HSP90AA1: variants seen among roughly 807,000 people sequenced by gnomAD.
The protein encoded by HSP90AA1 is heat shock protein HSP 90-alpha.
HSP90AA1 carries 18 observed loss-of-function variants against 73.3 expected under a neutral mutation model. The observed-to-expected ratio is 0.25, with a 90% CI of 0.17 to 0.36. HSP90AA1 has a LOEUF of 0.36. Among genes scored for constraint, HSP90AA1 ranks in the 10% least tolerant of loss-of-function variants. HSP90AA1 has a pLI of 1.00. For synonymous variants in HSP90AA1, 477 were observed against 296.9 expected (o/e 1.61, Z -6.24); for missense variants, 704 against 874.2 (o/e 0.81, Z 2.45).
At position 102,087,040 on chromosome 14, in the gene HSP90AA1, C is replaced by G; in HGVS notation, c.-55G>C. 2 of 985,462 alleles carry G rather than the reference C, an allele frequency of 2.0e-6. No homozygotes were observed. The highest frequency in any genetic ancestry group is 4.7e-5 in the South Asian group (1 of 21,290). 61.0% of individuals were successfully genotyped at this position (985,462 alleles called of 1,614,324 possible). A position where few individuals can be genotyped will look rare whatever the true frequency, so the allele number is the denominator to read the frequency against. Reference sequence around the variant, plus strand: ...GCACAGCCACACCGGGACGCTGAAGCAACTGACGCGCCACCCCCGCGCCTG... The same window carrying G: ...GCACAGCCACACCGGGACGCTGAAGGAACTGACGCGCCACCCCCGCGCCTG... On this transcript the variant is annotated 5_prime_UTR_variant, in exon 1 of 11. Transcript: ENST00000216281.
chr14:102,136,967 A>T (rs2050007751), intron 1 of HSP90AA1, among the ~76,000 whole-genome samples: 1 of 151,062 alleles, frequency 6.6e-6, no homozygotes, highest in African/African-American at 2.4e-5. Context: ...TAATCCTAGC[A>T]CTCTGGGAAG....
intron 1 of HSP90AA1, among the ~76,000 whole-genome samples, chr14:102,129,105 C>T (rs906864739): frequency 1.3e-5 from 2 of 150,872 alleles, no homozygotes; most frequent in Non-Finnish European, 2.9e-5. Context: ...ATAAATTGAG[C>T]ACTATAGATA....
At chr14:102,085,104 G>T in intron 4 of HSP90AA1, 106 bp from the exon 5 acceptor site, 2 of 1,572,604 alleles carry the variant, frequency 1.3e-6, no homozygotes, top group South Asian at 2.3e-5. Flanking sequence ...TAGCCAACTT[G>T]AGAAGCACCC....
chr14:102,105,485 A>G (rs867334749), intron 1 of HSP90AA1, among the ~76,000 whole-genome samples: 1 of 152,184 alleles, frequency 6.6e-6, no homozygotes, highest in Non-Finnish European at 1.5e-5. Flanking sequence ...TCAGAGTGGA[A>G]GAAGGCATGC....
At chr14:102,095,774 G>A (rs370461210) in intron 2 of HSP90AA1, among the ~76,000 whole-genome samples, 7 of 152,096 alleles carry the variant, frequency 4.6e-5, no homozygotes, top group African/African-American at 9.7e-5. Flanking sequence ...CCTTTAAAAC[G>A]TTCTTTCTCT....
exon 1 of HSP90AA1, chr14:102,139,297 G>A (rs753901927): frequency 6.2e-7 from 1 of 1,613,986 alleles, no homozygotes; most frequent in Non-Finnish European, 8.5e-7. Context: ...TTCCTGGGCG[G>A]GGATCCAGAC....
chr14:102,118,209 A>T (rs1595675951), intron 1 of HSP90AA1, among the ~76,000 whole-genome samples: 1 of 152,256 alleles, frequency 6.6e-6, no homozygotes, highest in Admixed American at 6.5e-5. Flanking sequence ...AATTCAGACA[A>T]GGGTGCCACC....
At chr14:102,127,525 C>G (rs1037799497) in intron 1 of HSP90AA1, among the ~76,000 whole-genome samples, 1 of 152,024 alleles carries the variant, frequency 6.6e-6, no homozygotes, top group Non-Finnish European at 1.5e-5. Context: ...TCCCTAGAGT[C>G]TAAGATAATT....
chr14:102,139,726 C>A, upstream of HSP90AA1: 1 of 816,350 alleles, frequency 1.2e-6, no homozygotes, highest in Non-Finnish European at 1.9e-6. Context: ...GTGGAGCACG[C>A]CAGGTGAGCA....
In HSP90AA1 at chr14:102,085,760, G is replaced by C; in HGVS notation, c.527C>G (p.Thr176Arg). ...CCAGTGAATGTTCAGGTGCCTACCT[G>C]TGTCTGTCCTCACTGTGAATGATCC... Reference protein sequence around the residue: ...AGGSFTVRTDTGEPMGRGTKV... With the variant: ...AGGSFTVRTDRGEPMGRGTKV... The change falls in exon 3 of 11, where the codon ACA becomes AGA. Residue 176 changes from threonine (T) to arginine (R), a missense_variant and splice_region_variant. Thr to Arg is a moderately conservative substitution (Grantham distance 71). Transcript: ENST00000216281. 6.2e-7 allele frequency: 1 copy of C among 1,613,986 alleles called. No individual in the cohort carries two copies. The highest frequency in any genetic ancestry group is 8.5e-7 in the Non-Finnish European group (1 of 1,179,868).
intron 1 of HSP90AA1, among the ~76,000 whole-genome samples, chr14:102,137,252 T>C (rs1030871308): frequency 2.0e-5 from 3 of 150,978 alleles, no homozygotes; most frequent in African/African-American, 7.3e-5. Context: ...AAAAAAAAAT[T>C]TTTTTTTAAA....
At chr14:102,102,994 C>T (rs1203600804) in intron 1 of HSP90AA1, among the ~76,000 whole-genome samples, 1 of 151,954 alleles carries the variant, frequency 6.6e-6, no homozygotes, top group East Asian at 1.9e-4. Flanking sequence ...GCCTGGCCAA[C>T]ATGGTAAAAC....
intron 2 of HSP90AA1, among the ~76,000 whole-genome samples, chr14:102,094,211 C>G (rs1009460450): frequency 2.6e-5 from 4 of 152,224 alleles, no homozygotes; most frequent in Non-Finnish European, 5.9e-5. Flanking sequence ...CCGGCAAACT[C>G]GTTCCCCTCC....
At chr14:102,133,278 CACAAA>C (rs1446500267) in intron 1 of HSP90AA1, among the ~76,000 whole-genome samples, 1 of 151,966 alleles carries the variant, frequency 6.6e-6, no homozygotes, top group Non-Finnish European at 1.5e-5. Context: ...AAAACTCCAT[CACAAA>C]ACAAAACAAA....
chr14:102,085,646 A>C, intron 3 of HSP90AA1, 112 bp downstream of exon 3: 1 of 1,519,760 alleles, frequency 6.6e-7, no homozygotes, highest in Non-Finnish European at 9.1e-7. Context: ...CTTGTTCCTG[A>C]TCGTTGGGCA....
chr14:102,098,422 A>G, intron 2 of HSP90AA1, among the ~76,000 whole-genome samples: 1 of 145,906 alleles, frequency 6.9e-6, no homozygotes, highest in East Asian at 2.0e-4. Flanking sequence ...AGCCTCTCAA[A>G]GTGCTGGGAT....
chr14:102,081,298 G>A lies in HSP90AA1; in HGVS notation c.*414C>T, dbSNP rs1566716681. ...TACATGCAGAATTGTCAACTACAGG[G>A]AATGAAAAGTTCAAAAAGTAGATCC... On this transcript the variant is annotated 3_prime_UTR_variant, in exon 11 of 11. Coordinates refer to ENST00000216281, the MANE Select transcript of HSP90AA1 (RefSeq NM_005348.4). 3.4e-6 allele frequency: 1 copy of A among 297,084 alleles called. No individual in the cohort carries two copies. The highest frequency in any genetic ancestry group is 6.4e-6 in the Non-Finnish European group (1 of 156,532). The allele number at this position is 297,084 out of a possible 1,614,324, so 18.4% of individuals were successfully genotyped here.
chr14:102,081,751 T>G lies in HSP90AA1; in HGVS notation c.2160A>C (p.Glu720Asp). The G allele has an allele frequency of 6.3e-7, 1 of 1,596,624 alleles. No homozygotes were observed. The highest frequency in any genetic ancestry group is 8.6e-7 in the Non-Finnish European group (1 of 1,164,076). Residue 720 changes from glutamate (E) to aspartate (D), a missense_variant, in exon 11 of 11, where the codon GAA becomes GAC. Physicochemically the swap from Glu to Asp is conservative, Grantham distance 45. Transcript: ENST00000216281. ...AAVTEEMPPL[E>D]GDDDTSRMEE... ...CCATGCGTGATGTGTCGTCATCTCC[T>G]TCAAGGGGTGGCATTTCTTCAGTTA...
Position 102,085,999 on chromosome 14 carries a change from A to T in HSP90AA1, c.288T>A (p.Ile96=). Residue 96 remains isoleucine (I), a synonymous_variant, in exon 3 of 11, where the codon ATT becomes ATA. Coordinates refer to ENST00000216281, the MANE Select transcript of HSP90AA1 (RefSeq NM_005348.4). ...TGATCAAGTCAGCCTTGGTCATTCCAATTCCAGTATCCACAATAGTGAGAG... is the reference window on the plus strand; with the variant it reads ...TGATCAAGTCAGCCTTGGTCATTCCTATTCCAGTATCCACAATAGTGAGAG... ...DRTLTIVDTG[I]GMTKADLINN... The T allele has an allele frequency of 6.2e-7, 1 of 1,614,008 alleles. No homozygotes were observed. Among genetic ancestry groups the T allele is most frequent in the Non-Finnish European group, 8.5e-7 (1 of 1,179,872 alleles).
Sources: allele counts gnomAD v4.1 joint callset (sites outside exome capture counted in the v4.1 genomes callset), GRCh38; gene constraint gnomAD v4.1.1; transcripts MANE v1.5; gene names NCBI Gene and HGNC (gene_info 2026-07-23, HGNC 2026-07-21).